The following ADAM18 variants were observed in gnomAD, a reference collection of about 807,000 sequenced individuals.
ADAM18 encodes ADAM metallopeptidase domain 18.
In ADAM18, 117 loss-of-function variants were observed where a neutral mutation model predicts 94.4. That is an observed-to-expected ratio of 1.24 (90% CI 1.07 to 1.45). The LOEUF (loss-of-function observed/expected upper bound fraction) is 1.45, where lower values mean the gene tolerates loss of function less well. Among genes scored for constraint, ADAM18 ranks in the 40% most tolerant of loss-of-function variants. The pLI is 0.00. For synonymous variants in ADAM18, 327 were observed against 291.6 expected, an observed-to-expected ratio of 1.12 and a Z score of -1.24; for missense variants, 936 against 880.0, an observed-to-expected ratio of 1.06 and a Z score of -0.81.
chr8:39,584,654 T>A lies in ADAM18; in HGVS notation c.32T>A (p.Leu11His). ...CTTCTCCTCGCCCTCCTCACTGAGC[T>A]TGGAAGACTGCAAGCCCACGAAGGT... Reference protein sequence around the residue: MFLLLALLTELGRLQAHEGSE... With the variant: MFLLLALLTEHGRLQAHEGSE... The change falls in exon 1 of 20, where the codon CTT becomes CAT. Residue 11 changes from leucine (L) to histidine (H), a missense_variant. Coordinates refer to ENST00000265707, the MANE Select transcript of ADAM18 (RefSeq NM_014237.3). The A allele has an allele frequency of 6.2e-7, 1 of 1,613,472 alleles. No homozygotes were observed. The highest frequency in any genetic ancestry group is 1.6e-4 in the Middle Eastern group (1 of 6,062).
At chr8:39,622,308 T>G (rs1421258166) in intron 6 of ADAM18, among the ~76,000 whole-genome samples, 4 of 149,258 alleles carry the variant, frequency 2.7e-5, no homozygotes, top group Non-Finnish European at 5.9e-5. Context: ...TTTACATATA[T>G]AATATACATA....
At chr8:39,690,898 A>G (rs1821756426) in intron 16 of ADAM18, among the ~76,000 whole-genome samples, 1 of 152,214 alleles carries the variant, frequency 6.6e-6, no homozygotes, top group Non-Finnish European at 1.5e-5. Flanking sequence ...AAGAGACACA[A>G]GCATTTGTAT....
chr8:39,677,601 C>G, intron 15 of ADAM18, 65 bp downstream of exon 15: 1 of 1,218,404 alleles, frequency 8.2e-7, no homozygotes, highest in Non-Finnish European at 1.1e-6. Flanking sequence ...TCAAGAGACA[C>G]TAAGTAGTAA....
Position 39,609,027 on chromosome 8 carries a change from T to A in ADAM18, c.189-15T>A, listed in dbSNP as rs770218981. 1.4e-6 allele frequency: 2 copies of A among 1,410,398 alleles called. No homozygotes were observed. Among genetic ancestry groups the A allele is most frequent in the Non-Finnish European group, 2.0e-6 (2 of 1,019,456 alleles). 87.4% of individuals were successfully genotyped at this position (1,410,398 alleles called of 1,614,324 possible). A position where few individuals can be genotyped will look rare whatever the true frequency, so the allele number is the denominator to read the frequency against. ...ATTATGATTCATACTTTTTTATTAT[T>A]TCTTGGTTTTTTAGATCATTCTTAC... On this transcript the variant is annotated splice_polypyrimidine_tract_variant and intron_variant, in intron 3 of 19. Coordinates refer to ENST00000265707, the MANE Select transcript of ADAM18 (RefSeq NM_014237.3).
In ADAM18 at chr8:39,721,435, C is replaced by T. The variant is rs1335837199; in HGVS notation, c.2018-2313C>T. On this transcript the variant is annotated intron_variant, in intron 18 of 19. Transcript: ENST00000265707. ...GGGGCTTCTTAATTAACCTAAAAAG[C>T]ATCTGCAAAGAAAAACTAATAATCA... is the stretch of plus-strand genomic sequence containing the variant. 2.0e-5 allele frequency among the ~76,000 whole-genome samples: 3 copies of T among 151,538 alleles called. No individual in the cohort carries two copies. In the East Asian group the frequency reaches 5.8e-4, roughly 29 times the overall value.
chr8:39,690,542 A>G (rs1821744184), intron 16 of ADAM18, among the ~76,000 whole-genome samples: 1 of 152,196 alleles, frequency 6.6e-6, no homozygotes, highest in African/African-American at 2.4e-5. Context: ...AAAAATATAC[A>G]TAATGTAAAT....
At chr8:39,591,813 C>T (rs186959816) in intron 2 of ADAM18, among the ~76,000 whole-genome samples, 4 of 152,322 alleles carry the variant, frequency 2.6e-5, no homozygotes, top group Admixed American at 1.3e-4. Flanking sequence ...AGAGGAATCA[C>T]TATTTATGGC....
chr8:39,633,830 TA>T (rs77940675), intron 7 of ADAM18, among the ~76,000 whole-genome samples: 2,672 of 95,954 alleles, frequency 0.028, 60 homozygotes, highest in African/African-American at 0.089. Flanking sequence ...CCTTGCCCTG[TA>T]AAAAAAAAAA....
intron 12 of ADAM18, among the ~76,000 whole-genome samples, chr8:39,657,259 A>G (rs892329655): frequency 1.3e-5 from 2 of 152,200 alleles, no homozygotes; most frequent in Non-Finnish European, 2.9e-5. Flanking sequence ...GTTAAAAGTC[A>G]AGATCACATT....
intron 10 of ADAM18, among the ~76,000 whole-genome samples, chr8:39,645,112 C>T (rs1045655656): frequency 1.3e-5 from 2 of 152,124 alleles, no homozygotes; most frequent in East Asian, 3.9e-4. Flanking sequence ...AGAATTTTGG[C>T]GTGCAAAATT....
chr8:39,593,137 G>T (rs536002103), intron 2 of ADAM18, among the ~76,000 whole-genome samples: 48 of 152,242 alleles, frequency 3.2e-4, no homozygotes, highest in Non-Finnish European at 2.8e-4. Flanking sequence ...AGTCTTCATA[G>T]AAATGAAGAA....
intron 7 of ADAM18, among the ~76,000 whole-genome samples, chr8:39,631,491 TA>T (rs1819929609): frequency 6.6e-6 from 1 of 151,984 alleles, no homozygotes; most frequent in African/African-American, 2.4e-5. Context: ...TTATGTAGTA[TA>T]ATTGTGTGTG....
At chr8:39,687,698 A>G (rs1821646247) in intron 16 of ADAM18, among the ~76,000 whole-genome samples, 1 of 152,098 alleles carries the variant, frequency 6.6e-6, no homozygotes, top group Non-Finnish European at 1.5e-5. Flanking sequence ...TTTAGCTCCC[A>G]CTTATAAGTG....
intron 6 of ADAM18, chr8:39,611,276 A>T (rs1473827210): frequency 2.1e-6 from 1 of 484,410 alleles, no homozygotes; most frequent in Non-Finnish European, 2.7e-6. Flanking sequence ...TTCTTTTGAG[A>T]TTCTTCCTTT....
intron 12 of ADAM18, among the ~76,000 whole-genome samples, chr8:39,658,009 A>G (rs1464181578): frequency 6.6e-6 from 1 of 152,188 alleles, no homozygotes; most frequent in African/African-American, 2.4e-5. Flanking sequence ...TATGCTCTCT[A>G]CATTTCCATA....
intron 7 of ADAM18, 110 bp downstream of exon 7, chr8:39,629,549 C>T: frequency 1.4e-6 from 1 of 700,420 alleles, no homozygotes; most frequent in Non-Finnish European, 2.3e-6. Flanking sequence ...CTCCTTCTTT[C>T]CCTTCCTCCA....
At chr8:39,717,599 A>G (rs1434111319) in intron 18 of ADAM18, among the ~76,000 whole-genome samples, 1 of 151,712 alleles carries the variant, frequency 6.6e-6, no homozygotes, top group Admixed American at 6.6e-5. Context: ...TACACCATAC[A>G]TACAGATGGA....
chr8:39,611,138 G>T, intron 6 of ADAM18: 3 of 967,092 alleles, frequency 3.1e-6, no homozygotes, highest in Non-Finnish European at 3.7e-6. Context: ...ATTCTTGCTG[G>T]CAGTTTCTTT....
chr8:39,668,260 G>A, intron 14 of ADAM18, 64 bp downstream of exon 14: 1 of 1,466,592 alleles, frequency 6.8e-7, no homozygotes, highest in South Asian at 1.2e-5. Flanking sequence ...AGTACATTAT[G>A]TACCACACAA....
Sources: gnomAD v4.1 joint callset for allele counts (sites outside exome capture counted in the v4.1 genomes callset) on GRCh38, gnomAD v4.1.1 for gene constraint, MANE v1.5 for transcripts, NCBI Gene and HGNC (gene_info 2026-07-23, HGNC 2026-07-21) for gene names.